The following PDE8B variants were observed in gnomAD, a reference collection of about 807,000 sequenced individuals.
PDE8B encodes high affinity cAMP-specific and IBMX-insensitive 3',5'-cyclic phosphodiesterase 8B.
Under a neutral mutation model 101.3 loss-of-function variants are expected in PDE8B, and 26 were observed. The ratio of observed to expected loss-of-function variants is 0.26; its 90% CI spans 0.19 to 0.36. The LOEUF (loss-of-function observed/expected upper bound fraction) is 0.36. PDE8B is among the 10% of genes least tolerant of loss of function. The pLI is 1.00. For missense variants in PDE8B, 810 were observed against 1,163.1 expected (o/e 0.70, Z 4.42); for synonymous variants, 424 against 429.3 (o/e 0.99, Z 0.15).
At chr5:77,406,680 C>T (rs1793525123) in intron 12 of PDE8B, among the ~76,000 whole-genome samples, 1 of 152,202 alleles carries the variant, frequency 6.6e-6, no homozygotes, top group Non-Finnish European at 1.5e-5. Flanking sequence ...TGGGACTCCC[C>T]CTCCTGCCTG....
intron 1 of PDE8B, among the ~76,000 whole-genome samples, chr5:77,292,012 A>C (rs1460148770): frequency 1.3e-5 from 2 of 151,966 alleles, no homozygotes; most frequent in East Asian, 1.9e-4. Flanking sequence ...AAAAAAAAAA[A>C]CCATTTACCA....
At chr5:77,377,529 T>G (rs1049815395) in intron 10 of PDE8B, among the ~76,000 whole-genome samples, 2 of 152,196 alleles carry the variant, frequency 1.3e-5, no homozygotes, top group Admixed American at 6.5e-5. Flanking sequence ...TCCTCTTAGA[T>G]CCTAAAAAGT....
rs748772384 is a variant in PDE8B at position 77,405,103 on chromosome 5, T to C, written c.1288+306T>C. 1.2e-3 allele frequency among the ~76,000 whole-genome samples: 177 copies of C among 152,312 alleles called. 1 individual carries two copies. The highest frequency in any genetic ancestry group is 3.4e-3 in the Middle Eastern group (1 of 294). ...GTAGCTGAACAAGGTCACTCTTGGG[T>C]GCTAGAGGCAGAGAGGCAGCCAGTC... On this transcript the variant is annotated intron_variant, in intron 12 of 21. Coordinates refer to ENST00000264917, the MANE Select transcript of PDE8B (RefSeq NM_003719.5).
At chr5:77,099,846 G>A in the PDE8B span, among the ~76,000 whole-genome samples, 1 of 152,118 alleles carries the variant, frequency 6.6e-6, no homozygotes, top group African/African-American at 2.4e-5. Context: ...CTGACCTCTG[G>A]TGATCCACCT....
chr5:77,419,108 T>C (rs1317381903), intron 18 of PDE8B, among the ~76,000 whole-genome samples: 5 of 152,240 alleles, frequency 3.3e-5, no homozygotes, highest in Non-Finnish European at 5.9e-5. Flanking sequence ...AGATGAGTTA[T>C]TCCAGCTTTG....
In PDE8B at chr5:77,415,575, T is replaced by A. The variant is rs1375115002; in HGVS notation, c.1911+2266T>A. ...GGTTTCACCATGTTGGTCAGGCTCA[T>A]CTCGAACTCCTGACCTCAGATAATC... On this transcript the variant is annotated intron_variant, in intron 17 of 21. Transcript: ENST00000264917. Among the ~76,000 whole-genome samples, 29 of 152,048 alleles carry A rather than the reference T, an allele frequency of 1.9e-4. 1 individual carries two copies. Among genetic ancestry groups the A allele is most frequent in the Admixed American group, 4.6e-4 (7 of 15,264 alleles).
chr5:77,097,678 GGA>G, the PDE8B span, among the ~76,000 whole-genome samples: 1 of 41,244 alleles, frequency 2.4e-5, no homozygotes, highest in African/African-American at 6.5e-5. Flanking sequence ...AGCTGTTTGT[GGA>G]GATTTTATAT....
the PDE8B span, among the ~76,000 whole-genome samples, chr5:77,094,792 A>G: frequency 6.6e-6 from 1 of 152,136 alleles, no homozygotes. Flanking sequence ...GAGGAGAGGA[A>G]AGAGAGAGTA....
chr5:77,202,071 C>G, the PDE8B span, among the ~76,000 whole-genome samples: 1 of 152,144 alleles, frequency 6.6e-6, no homozygotes, highest in Non-Finnish European at 1.5e-5. Flanking sequence ...CTTATGACCT[C>G]GTAACCTTAG....
chr5:77,415,131 C>T (rs752597777), intron 17 of PDE8B, among the ~76,000 whole-genome samples: 3 of 152,066 alleles, frequency 2.0e-5, no homozygotes, highest in South Asian at 4.2e-4. Flanking sequence ...CTTAGAGCTG[C>T]GAGGAAGCTT....
chr5:77,338,131 G>T (rs1778527750), intron 6 of PDE8B, among the ~76,000 whole-genome samples: 2 of 152,210 alleles, frequency 1.3e-5, no homozygotes, highest in South Asian at 4.1e-4. Flanking sequence ...TCTGTAGCAT[G>T]GCCTCTCTCT....
At chr5:77,234,648 A>C (rs1754308712) in intron 1 of PDE8B, among the ~76,000 whole-genome samples, 1 of 152,148 alleles carries the variant, frequency 6.6e-6, no homozygotes, top group Non-Finnish European at 1.5e-5. Flanking sequence ...TTCCCTACAT[A>C]GTACCTTTCC....
chr5:77,099,069 T>C, the PDE8B span, among the ~76,000 whole-genome samples: 1 of 152,244 alleles, frequency 6.6e-6, no homozygotes, highest in African/African-American at 2.4e-5. Context: ...TAGAAAAACA[T>C]TAATGTATAC....
chr5:77,306,050 A>G (rs1771135938), intron 1 of PDE8B, among the ~76,000 whole-genome samples: 1 of 152,126 alleles, frequency 6.6e-6, no homozygotes, highest in Non-Finnish European at 1.5e-5. Context: ...ACACACACGC[A>G]CATGCACACG....
intron 17 of PDE8B, among the ~76,000 whole-genome samples, chr5:77,417,608 T>A (rs1201525812): frequency 1.3e-5 from 2 of 152,232 alleles, no homozygotes; most frequent in Non-Finnish European, 2.9e-5. Context: ...TTTAATTACA[T>A]AATGAGAGCT....
chr5:77,360,090 CAAAA>C (rs200573688), intron 10 of PDE8B, among the ~76,000 whole-genome samples: 3 of 82,140 alleles, frequency 3.7e-5, no homozygotes, highest in African/African-American at 8.3e-5. Context: ...GACTTCATCG[CAAAA>C]AAAAAAAAAA....
At chr5:77,378,102 A>T (rs553453682) in intron 10 of PDE8B, among the ~76,000 whole-genome samples, 15 of 151,594 alleles carry the variant, frequency 9.9e-5, no homozygotes, top group Non-Finnish European at 1.6e-4. Context: ...GTTGGTCGCC[A>T]TTTACCAATG....
chr5:77,357,939 G>A (rs1207072339), intron 10 of PDE8B, among the ~76,000 whole-genome samples: 2 of 152,198 alleles, frequency 1.3e-5, no homozygotes, highest in Non-Finnish European at 2.9e-5. Context: ...AACCCTTGGT[G>A]GCCCATTCTG....
At chr5:77,283,418 A>T (rs1162748781) in intron 1 of PDE8B, among the ~76,000 whole-genome samples, 1 of 152,198 alleles carries the variant, frequency 6.6e-6, no homozygotes, top group Admixed American at 6.5e-5. Context: ...TTTGACAGGT[A>T]TACACCACTG....
Sources: gnomAD v4.1 joint callset for allele counts (sites outside exome capture counted in the v4.1 genomes callset) on GRCh38, gnomAD v4.1.1 for gene constraint, MANE v1.5 for transcripts, NCBI Gene and HGNC (gene_info 2026-07-23, HGNC 2026-07-21) for gene names.